The following KCNQ1 variants were observed in gnomAD, a reference collection of about 807,000 sequenced individuals.
The protein encoded by KCNQ1 is potassium voltage-gated channel subfamily Q member 1.
KCNQ1 carries 49 observed loss-of-function variants against 72.4 expected under a neutral mutation model. The ratio of observed to expected loss-of-function variants is 0.68; its 90% CI spans 0.54 to 0.86. The LOEUF (loss-of-function observed/expected upper bound fraction) is 0.86. Ranked by LOEUF, KCNQ1 falls within the 40% of genes least tolerant of loss-of-function variation. The pLI, the probability that KCNQ1 is intolerant of heterozygous loss-of-function variation, is 0.00. For missense variants in KCNQ1, 790 were observed against 945.1 expected, an observed-to-expected ratio of 0.84 and a Z score of 2.15; for synonymous variants, 450 against 412.6, an observed-to-expected ratio of 1.09 and a Z score of -1.10.
intron 7 of KCNQ1, among the ~76,000 whole-genome samples, chr11:2,584,991 C>G (rs572571289): frequency 3.9e-5 from 6 of 152,222 alleles, no homozygotes; most frequent in Non-Finnish European, 8.8e-5. Flanking sequence ...CAGCCCTGCC[C>G]CATGGGACTG....
Position 2,508,950 on chromosome 11 carries a change from A to C in KCNQ1, c.387-18978A>C, listed in dbSNP as rs941939862. Among the ~76,000 whole-genome samples the C allele has an allele frequency of 1.3e-5, 2 of 152,224 alleles. No homozygotes were observed. The highest frequency in any genetic ancestry group is 4.8e-5 in the African/African-American group (2 of 41,468). ...AGGCAAACGAAGAATGTAGAGCTCC[A>C]GCTGGATGAGGGCCGTGGGGAAGGG... On this transcript the variant is annotated intron_variant, in intron 1 of 15. Transcript: ENST00000155840. This position sits in a 1 kb window ranked among gnomAD's most constrained non-coding sequence, Gnocchi z 6.2.
At chr11:2,641,141 A>T in intron 10 of KCNQ1, 1 of 398,514 alleles carries the variant, frequency 2.5e-6, no homozygotes, top group Admixed American at 4.4e-5. Context: ...GGATGCAGGT[A>T]CATTTTTAGT....
In KCNQ1 at chr11:2,776,059, G is replaced by T. The variant is rs113722694; in HGVS notation, c.1685+5G>T. The stretch of plus-strand genomic sequence containing the variant: ...CATCAAGGAGCTGCAGAGGAGGTGG[G>T]CACGGCCAAACGGCAGCGGGGAGGG... On this transcript the variant is annotated splice_donor_5th_base_variant and intron_variant, in intron 13 of 15. Coordinates refer to ENST00000155840, the MANE Select transcript of KCNQ1 (RefSeq NM_000218.3). 1 of 1,552,872 alleles carries T rather than the reference G, an allele frequency of 6.4e-7. No homozygotes were observed. Among genetic ancestry groups the T allele is most frequent in the Non-Finnish European group, 8.7e-7 (1 of 1,147,604 alleles).
In KCNQ1 at chr11:2,624,755, G is replaced by T. The variant is rs542014022; in HGVS notation, c.1393+35901G>T. ...ATAATTCCCCAACCCCCCCACCACC[G>T]CCATCTCTTGGAAACCACCTTGTAC... On this transcript the variant is annotated intron_variant, in intron 10 of 15. Coordinates refer to ENST00000155840, the MANE Select transcript of KCNQ1 (RefSeq NM_000218.3). The surrounding 1 kb of genome is among the most constrained non-coding windows in gnomAD (Gnocchi z 4.9). 2.5e-6 allele frequency: 1 copy of T among 397,918 alleles called. No individual in the cohort carries two copies. Among genetic ancestry groups the T allele is most frequent in the Non-Finnish European group, 4.4e-6 (1 of 225,962 alleles). The allele number at this position is 397,918 out of a possible 1,614,324, so 24.6% of individuals were successfully genotyped here.
rs1845730606 is a variant in KCNQ1 at position 2,724,834 on chromosome 11, C to G, written c.1515-44010C>G. 6.6e-6 allele frequency among the ~76,000 whole-genome samples: 1 copy of G among 152,192 alleles called. No homozygotes were observed. The highest frequency in any genetic ancestry group is 6.5e-5 in the Admixed American group (1 of 15,286). ...TTCTGGCCATCGTATGGAGCTGGAA[C>G]AAGGCACTGGAAGGTACCAGGCCTC... On this transcript the variant is annotated intron_variant, in intron 11 of 15. Coordinates refer to ENST00000155840, the MANE Select transcript of KCNQ1 (RefSeq NM_000218.3). This position sits in a 1 kb window ranked among gnomAD's most constrained non-coding sequence, Gnocchi z 6.8.
chr11:2,659,475 G>T lies in KCNQ1; in HGVS notation c.1394-2486G>T. 1 of 398,536 alleles carries T rather than the reference G, an allele frequency of 2.5e-6. No homozygotes were observed. 24.7% of individuals were successfully genotyped at this position (398,536 alleles called of 1,614,324 possible). The stretch of plus-strand genomic sequence containing the variant: ...ATTGCTGGGTGGTATTCCATTGCAT[G>T]AATATATACATTTTGTTTATGCATT... On this transcript the variant is annotated intron_variant, in intron 10 of 15. Coordinates refer to ENST00000155840, the MANE Select transcript of KCNQ1 (RefSeq NM_000218.3). This position sits in a 1 kb window ranked among gnomAD's most constrained non-coding sequence, Gnocchi z 4.3.
rs559852312 is a variant in KCNQ1 at position 2,835,971 on chromosome 11, G to A, written c.1795-11796G>A. 3.0e-3 allele frequency among the ~76,000 whole-genome samples: 455 copies of A among 152,198 alleles called. 3 individuals are homozygous for A. Among genetic ancestry groups the A allele is most frequent in the Non-Finnish European group, 3.5e-3 (239 of 67,998 alleles). ...GGCCCGGTCAGTGGTCCCAGGGGTCGGGGACAGGTGGGAATCGAAGTCATA... is the reference window on the plus strand; with the variant it reads ...GGCCCGGTCAGTGGTCCCAGGGGTCAGGGACAGGTGGGAATCGAAGTCATA... On this transcript the variant is annotated intron_variant, in intron 15 of 15. Coordinates refer to ENST00000155840, the MANE Select transcript of KCNQ1 (RefSeq NM_000218.3).
At chr11:2,586,427 G>C (rs936260116) in intron 8 of KCNQ1, among the ~76,000 whole-genome samples, 7 of 152,122 alleles carry the variant, frequency 4.6e-5, no homozygotes, top group Admixed American at 1.3e-4. Context: ...ACCCGCCTTG[G>C]TCCCAGCATG....
intron 10 of KCNQ1, chr11:2,628,488 G>A (rs757177160): frequency 7.5e-6 from 3 of 398,054 alleles, no homozygotes; most frequent in Non-Finnish European, 1.3e-5. Context: ...TTATTAATTG[G>A]GTTATTAAGT....
intron 1 of KCNQ1, among the ~76,000 whole-genome samples, chr11:2,467,618 G>A (rs547008645): frequency 5.9e-5 from 9 of 152,294 alleles, no homozygotes; most frequent in East Asian, 3.9e-4. Context: ...TGGCAAAGGC[G>A]TTGGGGTGCT....
chr11:2,651,752 G>A lies in KCNQ1; in HGVS notation c.1394-10209G>A. 1 of 398,608 alleles carries A rather than the reference G, an allele frequency of 2.5e-6. No homozygotes were observed. Among genetic ancestry groups the A allele is most frequent in the Non-Finnish European group, 4.4e-6 (1 of 226,086 alleles). The allele number at this position is 398,608 out of a possible 1,614,324, so 24.7% of individuals were successfully genotyped here. ...TTCTATACGTTTTCTCTGATTACTG[G>A]AAATTCCTCAAGTGTTGACCATTTT... On this transcript the variant is annotated intron_variant, in intron 10 of 15. Coordinates refer to ENST00000155840, the MANE Select transcript of KCNQ1 (RefSeq NM_000218.3). This position sits in a 1 kb window ranked among gnomAD's most constrained non-coding sequence, Gnocchi z 6.1.
chr11:2,755,902 G>T (rs1023291801), intron 11 of KCNQ1, among the ~76,000 whole-genome samples: 4 of 152,086 alleles, frequency 2.6e-5, no homozygotes, highest in African/African-American at 9.7e-5. Context: ...CAGAAAAATG[G>T]CCAAAGACAA....
chr11:2,633,682 T>C (rs1316560458), intron 10 of KCNQ1: 2 of 398,586 alleles, frequency 5.0e-6, no homozygotes, highest in South Asian at 1.3e-4. Flanking sequence ...TGTAAATAAA[T>C]TTATTTACTT....
intron 14 of KCNQ1, chr11:2,777,659 G>A (rs544833128): frequency 5.4e-5 from 32 of 593,370 alleles, no homozygotes; most frequent in Non-Finnish European, 7.8e-5. Context: ...GGCCTGTGTC[G>A]CCCTGGGAGT....
chr11:2,797,062 C>T (rs234838), intron 15 of KCNQ1, among the ~76,000 whole-genome samples: 151,631 of 152,312 alleles, frequency 1, 75,479 homozygotes, highest in Middle Eastern at 1. Flanking sequence ...GGGGCCACAA[C>T]GGGGCATTGT....
In KCNQ1 at chr11:2,653,348, C is replaced by T. The variant is rs1849787058; in HGVS notation, c.1394-8613C>T. The T allele has an allele frequency of 5.0e-6, 2 of 398,772 alleles. No homozygotes were observed. The highest frequency in any genetic ancestry group is 4.4e-5 in the Admixed American group (1 of 22,748). 24.7% of individuals were successfully genotyped at this position (398,772 alleles called of 1,614,324 possible). On this transcript the variant is annotated intron_variant, in intron 10 of 15. Coordinates refer to ENST00000155840, the MANE Select transcript of KCNQ1 (RefSeq NM_000218.3). The surrounding 1 kb of genome is among the most constrained non-coding windows in gnomAD (Gnocchi z 5.3). ...CCCCAGGCCCATGTCCGTAGGCTCA[C>T]ACCTCACCCCCAACTTTGTCATGCA...
In KCNQ1 at chr11:2,752,528, A is replaced by G. The variant is rs1320197798; in HGVS notation, c.1515-16316A>G. On this transcript the variant is annotated intron_variant, in intron 11 of 15. Transcript: ENST00000155840. This position sits in a 1 kb window ranked among gnomAD's most constrained non-coding sequence, Gnocchi z 5.2. ...TCTGGAGACTGGGAAGCACAGGGTCAGGGCGCCAGCAGATCTGGTGTCTGG... is the reference window on the plus strand; with the variant it reads ...TCTGGAGACTGGGAAGCACAGGGTCGGGGCGCCAGCAGATCTGGTGTCTGG... Among the ~76,000 whole-genome samples, 1 of 152,150 alleles carries G rather than the reference A, an allele frequency of 6.6e-6. No individual in the cohort carries two copies. The highest frequency in any genetic ancestry group is 2.4e-5 in the African/African-American group (1 of 41,418).
At position 2,515,210 on chromosome 11, in the gene KCNQ1, C is replaced by G. The variant is rs1438091802; in HGVS notation, c.387-12718C>G. Among the ~76,000 whole-genome samples, 1 of 152,170 alleles carries G rather than the reference C, an allele frequency of 6.6e-6. No homozygotes were observed. Among genetic ancestry groups the G allele is most frequent in the African/African-American group, 2.4e-5 (1 of 41,438 alleles). ...CTCCCCTTTGGAGTCCCAGAGTGAC[C>G]TTTCTCCGTCTTTCTGTCCAAGCAT... On this transcript the variant is annotated intron_variant, in intron 1 of 15. Transcript: ENST00000155840. The surrounding 1 kb of genome is among the most constrained non-coding windows in gnomAD (Gnocchi z 4.7).
rs1848270112 is a variant in KCNQ1, at chr11:2,567,952, G to A, written c.478-2676G>A. Among the ~76,000 whole-genome samples the A allele has an allele frequency of 6.6e-6, 1 of 152,178 alleles. No individual in the cohort carries two copies. The highest frequency in any genetic ancestry group is 2.1e-4 in the South Asian group (1 of 4,824). ...ACCTGCCTAGGACATGCCTGGAGAAGGTATTTAAGTAATTTTAAAAGTGCA... is the reference window on the plus strand; with the variant it reads ...ACCTGCCTAGGACATGCCTGGAGAAAGTATTTAAGTAATTTTAAAAGTGCA... On this transcript the variant is annotated intron_variant, in intron 2 of 15. Coordinates refer to ENST00000155840, the MANE Select transcript of KCNQ1 (RefSeq NM_000218.3). This position sits in a 1 kb window ranked among gnomAD's most constrained non-coding sequence, Gnocchi z 6.6.
Sources: allele counts gnomAD v4.1 joint callset (sites outside exome capture counted in the v4.1 genomes callset), GRCh38; gene constraint gnomAD v4.1.1; non-coding constraint Gnocchi (gnomAD v3.1); transcripts MANE v1.5; gene names NCBI Gene and HGNC (gene_info 2026-07-23, HGNC 2026-07-21).